PXDNL: variants seen among roughly 807,000 people sequenced by gnomAD.
PXDNL encodes the protein peroxidasin like, also known as probable oxidoreductase PXDNL.
In PXDNL, 145 loss-of-function variants were observed where a neutral mutation model predicts 150.8. That is an observed-to-expected ratio of 0.96 (90% CI 0.84 to 1.10). The LOEUF (loss-of-function observed/expected upper bound fraction) is 1.10. Ranked by LOEUF, PXDNL falls within the 50% of genes least tolerant of loss-of-function variation. The pLI, the probability that PXDNL is intolerant of heterozygous loss-of-function variation, is 0.00. For synonymous variants in PXDNL, 757 were observed against 725.7 expected (o/e 1.04, Z -0.69); for missense variants, 2,087 against 1,873.9 (o/e 1.11, Z -2.10).
intron 2 of PXDNL, among the ~76,000 whole-genome samples, chr8:51,649,095 G>A (rs539939967): frequency 1.3e-5 from 2 of 152,034 alleles, no homozygotes; most frequent in Non-Finnish European, 2.9e-5. Context: ...AATTTTTAAG[G>A]GATTTTTAAA....
At chr8:51,351,725 A>G (rs1390191156) in intron 19 of PXDNL, among the ~76,000 whole-genome samples, 1 of 152,180 alleles carries the variant, frequency 6.6e-6, no homozygotes, top group Non-Finnish European at 1.5e-5. Context: ...GTTGGGCTAC[A>G]TTCTCATGTC....
At position 51,701,865 on chromosome 8, in the gene PXDNL, T is replaced by C. The variant is rs900253187; in HGVS notation, c.165-47105A>G. Reference sequence around the variant, plus strand: ...AGAACCAAGTCCAGTGGTTCTTGGATGGGAAATCTTGAAGCCAGTGGTTCT... The same window carrying C: ...AGAACCAAGTCCAGTGGTTCTTGGACGGGAAATCTTGAAGCCAGTGGTTCT... On this transcript the variant is annotated intron_variant, in intron 1 of 22. Transcript: ENST00000356297. Among the ~76,000 whole-genome samples the C allele has an allele frequency of 3.9e-5, 6 of 152,246 alleles. No individual in the cohort carries two copies. The South Asian group carries it at 1.0e-3, about 26-fold the overall frequency.
At chr8:51,471,773 G>A (rs928695387) in intron 8 of PXDNL, among the ~76,000 whole-genome samples, 9 of 150,836 alleles carry the variant, frequency 6.0e-5, no homozygotes, top group East Asian at 3.9e-4. Context: ...TGCAAGCTCC[G>A]CCTCCCGGGT....
chr8:51,337,885 A>G (rs1174228909), intron 21 of PXDNL, among the ~76,000 whole-genome samples: 2 of 146,886 alleles, frequency 1.4e-5, no homozygotes, highest in African/African-American at 5.1e-5. Context: ...AAAAAAAAAA[A>G]GCACATTGGA....
chr8:51,680,454 G>GA (rs1815719714), intron 1 of PXDNL, among the ~76,000 whole-genome samples: 1 of 152,064 alleles, frequency 6.6e-6, no homozygotes, highest in South Asian at 2.1e-4. Flanking sequence ...GTATTACAGA[G>GA]AAAAAAATTG....
At chr8:51,580,895 A>G (rs556904812) in intron 3 of PXDNL, among the ~76,000 whole-genome samples, 3 of 152,302 alleles carry the variant, frequency 2.0e-5, no homozygotes, top group Admixed American at 2.0e-4. Context: ...GATGCATAAT[A>G]GAAGGCAAAC....
At chr8:51,535,121 C>G (rs1367847305) in intron 4 of PXDNL, among the ~76,000 whole-genome samples, 2 of 123,592 alleles carry the variant, frequency 1.6e-5, no homozygotes, top group Non-Finnish European at 3.2e-5. Flanking sequence ...GCCCGGCCAG[C>G]CGCCCCATCC....
chr8:51,499,912 CTG>C (rs1158527434), intron 4 of PXDNL, 142 bp from the exon 5 acceptor site: 1 of 599,342 alleles, frequency 1.7e-6, no homozygotes, highest in African/African-American at 1.9e-5. Context: ...ATCAGAAACT[CTG>C]AGATATTTTG....
intron 1 of PXDNL, among the ~76,000 whole-genome samples, chr8:51,723,205 G>A (rs1295107643): frequency 6.6e-6 from 1 of 150,734 alleles, no homozygotes. Flanking sequence ...ATAGTATTCA[G>A]AAAAAAAAAA....
intron 2 of PXDNL, among the ~76,000 whole-genome samples, chr8:51,633,145 T>C (rs1031713355): frequency 1.6e-4 from 24 of 152,112 alleles, no homozygotes; most frequent in African/African-American, 5.8e-4. Context: ...TGAGAACACA[T>C]GGTATTTGGT....
intron 4 of PXDNL, among the ~76,000 whole-genome samples, chr8:51,545,130 C>A (rs1306876625): frequency 1.3e-5 from 2 of 152,078 alleles, no homozygotes; most frequent in African/African-American, 4.8e-5. Flanking sequence ...GCTTTAAATA[C>A]TAAGATTACT....
intron 2 of PXDNL, among the ~76,000 whole-genome samples, chr8:51,620,246 A>G (rs10958283): frequency 0.23 from 34,480 of 152,148 alleles, 4,060 homozygotes; most frequent in Admixed American, 0.31. Context: ...ATATGGCCAT[A>G]TCTTTTAGAT....
At chr8:51,557,539 T>C (rs1363587685) in intron 3 of PXDNL, among the ~76,000 whole-genome samples, 1 of 152,190 alleles carries the variant, frequency 6.6e-6, no homozygotes, top group Non-Finnish European at 1.5e-5. Context: ...TCCACACTCT[T>C]TGTTAATGTC....
chr8:51,495,652 C>T (rs988732979), intron 5 of PXDNL, among the ~76,000 whole-genome samples: 9 of 152,182 alleles, frequency 5.9e-5, no homozygotes, highest in African/African-American at 9.7e-5. Context: ...CTATAAACAC[C>T]TCTATGCAAA....
intron 1 of PXDNL, among the ~76,000 whole-genome samples, chr8:51,786,546 C>T (rs2037462508): frequency 6.6e-6 from 1 of 152,044 alleles, no homozygotes; most frequent in Non-Finnish European, 1.5e-5. Flanking sequence ...CCCCCACCCC[C>T]ATGCCCACCT....
At chr8:51,347,492 T>C (rs914895893) in intron 19 of PXDNL, among the ~76,000 whole-genome samples, 2 of 152,254 alleles carry the variant, frequency 1.3e-5, no homozygotes, top group Admixed American at 6.5e-5. Context: ...ATACTGGTTA[T>C]GGTTGTTACT....
intron 1 of PXDNL, among the ~76,000 whole-genome samples, chr8:51,695,180 A>C (rs569819673): frequency 4.6e-5 from 7 of 152,302 alleles, no homozygotes; most frequent in African/African-American, 1.7e-4. Context: ...CTTTTATTTA[A>C]TCATAGTTCC....
chr8:51,459,182 C>T (rs1241783817), intron 8 of PXDNL, among the ~76,000 whole-genome samples: 1 of 152,210 alleles, frequency 6.6e-6, no homozygotes, highest in African/African-American at 2.4e-5. Flanking sequence ...GTAATCCCAG[C>T]ACTTTGGGAG....
At chr8:51,588,402 C>T (rs1186336271) in intron 3 of PXDNL, among the ~76,000 whole-genome samples, 1 of 152,140 alleles carries the variant, frequency 6.6e-6, no homozygotes. Flanking sequence ...GTTATCCTTG[C>T]CTTTTAAATA....
Sources: allele counts gnomAD v4.1 joint callset (sites outside exome capture counted in the v4.1 genomes callset), GRCh38; gene constraint gnomAD v4.1.1; transcripts MANE v1.5; gene names NCBI Gene and HGNC (gene_info 2026-07-23, HGNC 2026-07-21).